The following PCDHA8 variants were observed in gnomAD, a reference collection of about 807,000 sequenced individuals.
The protein encoded by PCDHA8 is protocadherin alpha 8.
In PCDHA8, 53 loss-of-function variants were observed where a neutral mutation model predicts 61.8. The ratio of observed to expected loss-of-function variants is 0.86; its 90% confidence interval spans 0.69 to 1.08. PCDHA8 has a LOEUF of 1.08. Among genes scored for constraint, PCDHA8 ranks in the 50% least tolerant of loss-of-function variants. The probability of loss-of-function intolerance (pLI) is 0.00; values close to 1 mark genes in which losing one functional copy is unlikely to be tolerated. For synonymous variants in PCDHA8, 618 were observed against 556.6 expected (o/e 1.11, Z -1.55); for missense variants, 1,293 against 1,245.0 (o/e 1.04, Z -0.58).
chr5:140,969,473 A>G (rs562575347), intron 1 of PCDHA8: 1 of 1,478,090 alleles, frequency 6.8e-7, no homozygotes, highest in Non-Finnish European at 9.0e-7. Flanking sequence ...CCACAATTTG[A>G]TCATAATCTG....
At chr5:140,986,213 C>T (rs1554247816) in intron 3 of PCDHA8, among the ~76,000 whole-genome samples, 2 of 152,208 alleles carry the variant, frequency 1.3e-5, no homozygotes, top group Non-Finnish European at 2.9e-5. Context: ...TTACTGGCCC[C>T]TTTCTCTAGC....
At chr5:140,857,986 A>C in intron 1 of PCDHA8, 1 of 1,596,686 alleles carries the variant, frequency 6.3e-7, no homozygotes, top group South Asian at 1.1e-5. Flanking sequence ...GCCAGCGCCT[A>C]CTGGTGCTGG....
At chr5:140,877,681 C>T (rs1554169975) in intron 1 of PCDHA8, 2 of 1,613,678 alleles carry the variant, frequency 1.2e-6, no homozygotes, top group Non-Finnish European at 1.7e-6. Context: ...GCCGGGCAAG[C>T]CCACGCTGGT....
At chr5:140,912,654 G>T (rs1411811349) in intron 1 of PCDHA8, among the ~76,000 whole-genome samples, 4 of 152,076 alleles carry the variant, frequency 2.6e-5, no homozygotes, top group Non-Finnish European at 5.9e-5. Flanking sequence ...GAATAGAAGT[G>T]GTGAAAATGG....
At chr5:140,930,527 A>G (rs73793525) in intron 1 of PCDHA8, 1 of 152,462 alleles carries the variant, frequency 6.6e-6, no homozygotes, top group Non-Finnish European at 1.5e-5. Context: ...CTGGCCCTCA[A>G]ACTTCTTGAG....
intron 1 of PCDHA8, chr5:140,876,368 C>T (rs564115297): frequency 3.7e-5 from 59 of 1,613,904 alleles, no homozygotes; most frequent in Non-Finnish European, 4.9e-5. Context: ...AATCCAGACA[C>T]AGGTGAAATT....
At chr5:140,906,162 G>A (rs1421474866) in intron 1 of PCDHA8, among the ~76,000 whole-genome samples, 1 of 152,064 alleles carries the variant, frequency 6.6e-6, no homozygotes, top group Non-Finnish European at 1.5e-5. Flanking sequence ...GACACACCCA[G>A]GAACAATACT....
At chr5:140,941,634 T>G (rs2093133728) in intron 1 of PCDHA8, among the ~76,000 whole-genome samples, 1 of 152,074 alleles carries the variant, frequency 6.6e-6, no homozygotes, top group South Asian at 2.1e-4. Context: ...TCTTAATTTC[T>G]GTCTTCCTAC....
intron 1 of PCDHA8, chr5:140,883,164 A>G (rs559249411): frequency 1.2e-6 from 2 of 1,614,060 alleles, no homozygotes; most frequent in African/African-American, 1.3e-5. Context: ...AATCCGAACA[A>G]TGGAGAAATT....
At chr5:140,903,563 T>G (rs1459855021) in intron 1 of PCDHA8, among the ~76,000 whole-genome samples, 1 of 152,208 alleles carries the variant, frequency 6.6e-6, no homozygotes, top group African/African-American at 2.4e-5. Context: ...ATAAGTGGAA[T>G]TGGGAGCTGT....
chr5:140,972,322 T>C (rs2096531924), intron 1 of PCDHA8, among the ~76,000 whole-genome samples: 1 of 151,968 alleles, frequency 6.6e-6, no homozygotes, highest in African/African-American at 2.4e-5. Context: ...AGGTGTTTTT[T>C]TTTTTTGGAA....
At chr5:140,956,890 G>T (rs2095318198) in intron 1 of PCDHA8, among the ~76,000 whole-genome samples, 3 of 152,136 alleles carry the variant, frequency 2.0e-5, no homozygotes, top group Non-Finnish European at 4.4e-5. Context: ...ATCAATGAAT[G>T]AATATTCTTA....
At position 140,856,129 on chromosome 5, in the gene PCDHA8, C is replaced by G. The variant is rs149039484; in HGVS notation, c.2394+12414C>G. ...TCCTCGCAGCCTGGGAGGTGGGGAG[C>G]GGCCAGCTCCACTACTCAGTCTACG... On this transcript the variant is annotated intron_variant, in intron 1 of 3. Transcript: ENST00000531613. The G allele has an allele frequency of 2.3e-5, 36 of 1,597,980 alleles. 3 individuals are homozygous for G. Among genetic ancestry groups the G allele is most frequent in the African/African-American group, 2.7e-5 (2 of 74,256 alleles).
chr5:140,967,453 C>A (rs782630345), intron 1 of PCDHA8: 1 of 1,613,556 alleles, frequency 6.2e-7, no homozygotes, highest in Non-Finnish European at 8.5e-7. Context: ...TTCTCACAGC[C>A]GTGGATGGGG....
In PCDHA8 at chr5:141,010,806, C is replaced by T. The variant is rs1404036886; in HGVS notation, c.*869C>T. ...GCAAAAGCAAAAGAAAACCCCGACA[C>T]CTCACCTTTCGCTGTTTGTTGTTTC... On this transcript the variant is annotated 3_prime_UTR_variant, in exon 4 of 4. Transcript: ENST00000531613. 2 of 153,736 alleles carry T rather than the reference C, an allele frequency of 1.3e-5. No individual in the cohort carries two copies. Among genetic ancestry groups the T allele is most frequent in the Non-Finnish European group, 1.5e-5 (1 of 68,048 alleles). 9.5% of individuals were successfully genotyped at this position (153,736 alleles called of 1,614,324 possible).
Position 140,841,601 on chromosome 5 carries a change from G to T in PCDHA8, c.280G>T (p.Glu94Ter). 1 of 1,614,136 alleles carries T rather than the reference G, an allele frequency of 6.2e-7. No individual in the cohort carries two copies. Among genetic ancestry groups the T allele is most frequent in the Non-Finnish European group, 8.5e-7 (1 of 1,180,014 alleles). The part of the protein sequence containing the change: ...LFVNSRIDRE[E>*]LCGRSAECSI... The stretch of plus-strand genomic sequence containing the variant: ...TGTGAATTCTCGGATCGACCGCGAG[G>T]AGCTGTGCGGGCGGAGCGCGGAGTG... The change falls in exon 1 of 4, where the codon GAG (glutamate) becomes TAG (stop). Residue 94 changes from glutamate to a stop codon, truncating the protein, a stop_gained. Coordinates refer to ENST00000531613, the MANE Select transcript of PCDHA8 (RefSeq NM_018911.3). LOFTEE classifies it high-confidence loss of function.
chr5:140,910,053 G>C (rs2074856503), intron 1 of PCDHA8, among the ~76,000 whole-genome samples: 1 of 152,170 alleles, frequency 6.6e-6, no homozygotes, highest in Non-Finnish European at 1.5e-5. Context: ...CATAATAAGT[G>C]ATCTTTTAAC....
At chr5:140,976,992 A>G (rs1421149242) in intron 1 of PCDHA8, among the ~76,000 whole-genome samples, 3 of 152,200 alleles carry the variant, frequency 2.0e-5, no homozygotes, top group Admixed American at 2.0e-4. Context: ...TTACTGCCAT[A>G]AGAAATCTTG....
chr5:140,961,510 T>C (rs1201672141), intron 1 of PCDHA8, among the ~76,000 whole-genome samples: 1 of 152,246 alleles, frequency 6.6e-6, no homozygotes, highest in Non-Finnish European at 1.5e-5. Context: ...CTTTGTTTAA[T>C]GTCTCCACAA....
Sources: allele counts gnomAD v4.1 joint callset (sites outside exome capture counted in the v4.1 genomes callset), GRCh38; gene constraint gnomAD v4.1.1; transcripts MANE v1.5; gene names NCBI Gene and HGNC (gene_info 2026-07-23, HGNC 2026-07-21).